Variants in IL31RA observed in about 807,000 individuals in gnomAD.
IL31RA encodes interleukin 31 receptor A.
In IL31RA, 66 loss-of-function variants were observed where a neutral mutation model predicts 83.7. The observed-to-expected ratio is 0.79, with a 90% CI of 0.65 to 0.97. The LOEUF (loss-of-function observed/expected upper bound fraction) is 0.97. Among genes scored for constraint, IL31RA ranks in the 50% least tolerant of loss-of-function variants. IL31RA has a pLI of 0.00. For synonymous variants in IL31RA, 325 were observed against 329.0 expected, an observed-to-expected ratio of 0.99 and a Z score of 0.13; for missense variants, 798 against 919.4, an observed-to-expected ratio of 0.87 and a Z score of 1.71.
chr5:55,885,957 G>A (rs557571533), intron 5 of IL31RA, among the ~76,000 whole-genome samples: 1 of 152,270 alleles, frequency 6.6e-6, no homozygotes, highest in South Asian at 2.1e-4. Flanking sequence ...ATTTGGCTGA[G>A]TGCAGAGTTA....
chr5:55,840,074 G>T, the IL31RA span: 36 of 361,132 alleles, frequency 1.0e-4, no homozygotes, highest in East Asian at 1.5e-3. Flanking sequence ...CCTGACTTCG[G>T]CAGGGCTAAA....
At position 55,918,992 on chromosome 5, in the gene IL31RA, C is replaced by G. The variant is rs1208833267; in HGVS notation, c.*1872C>G. Among the ~76,000 whole-genome samples, 4 of 152,154 alleles carry G rather than the reference C, an allele frequency of 2.6e-5. No homozygotes were observed. The stretch of plus-strand genomic sequence containing the variant: ...AAAAGAGATGCGTCCAATTCTCATG[C>G]CGCCCCTGATGTCTGCTCTCCCTGC... On this transcript the variant is annotated 3_prime_UTR_variant, in exon 15 of 15. Transcript: ENST00000652347.
chr5:55,853,543 G>T (rs1260748965), intron 1 of IL31RA: 2 of 1,551,068 alleles, frequency 1.3e-6, no homozygotes, highest in African/African-American at 2.7e-5. Context: ...CAGAACATCT[G>T]TGGAACATCC....
At chr5:55,915,232 C>G (rs1242830192) in intron 14 of IL31RA, among the ~76,000 whole-genome samples, 2 of 152,172 alleles carry the variant, frequency 1.3e-5, no homozygotes, top group Admixed American at 6.5e-5. Flanking sequence ...CCCTTCCTGA[C>G]CTGATGGGCT....
At chr5:55,889,518 T>A (rs946243177) in intron 5 of IL31RA, among the ~76,000 whole-genome samples, 9 of 152,216 alleles carry the variant, frequency 5.9e-5, no homozygotes, top group Non-Finnish European at 1.3e-4. Context: ...TAAATGGTTA[T>A]TTAACTTTCC....
chr5:55,870,368 G>A (rs1335396092), intron 3 of IL31RA, among the ~76,000 whole-genome samples: 11 of 152,164 alleles, frequency 7.2e-5, no homozygotes, highest in South Asian at 4.1e-4. Context: ...ACAGGCTGTC[G>A]TTTGCTTATC....
chr5:55,868,730 G>A, intron 2 of IL31RA, 61 bp from the exon 3 acceptor site: 1 of 964,334 alleles, frequency 1.0e-6, no homozygotes, highest in Non-Finnish European at 1.7e-6. Context: ...TTCAATGCTG[G>A]CAATATTTAT....
At position 55,874,781 on chromosome 5, in the gene IL31RA, C is replaced by T. The variant is rs116259203; in HGVS notation, c.454+2330C>T. Among the ~76,000 whole-genome samples the T allele has an allele frequency of 3.4e-3, 517 of 152,092 alleles. 3 individuals are homozygous for T. Among genetic ancestry groups the T allele is most frequent in the Admixed American group, 6.4e-3 (98 of 15,270 alleles). ...TTCTAATAGGTTTTTTAGGTGGATT[C>T]CTTAGGATTGTCTGTATACAAGGTC... On this transcript the variant is annotated intron_variant, in intron 4 of 14. Transcript: ENST00000652347.
chr5:55,852,953 C>T (rs757050047), intron 1 of IL31RA, among the ~76,000 whole-genome samples: 12 of 152,176 alleles, frequency 7.9e-5, no homozygotes, highest in Non-Finnish European at 1.8e-4. Context: ...AGTACTATGC[C>T]TGACACACAG....
intron 6 of IL31RA, among the ~76,000 whole-genome samples, chr5:55,890,433 G>T (rs1747914608): frequency 6.6e-6 from 1 of 152,192 alleles, no homozygotes; most frequent in Non-Finnish European, 1.5e-5. Flanking sequence ...GCAGTGATGT[G>T]ATCTCGGCTC....
Position 55,910,540 on chromosome 5 carries a change from G to A in IL31RA, c.1510G>A (p.Val504Ile), listed in dbSNP as rs1045409578. The part of the protein sequence containing the change: ...AEGGKGFSKT[V>I]NSSILQYGLE... ...TTGTATTTTTCCTTTAGCCAAGACA[G>A]TCAATTCCAGCATCTTGCAGTACGG... The change falls in exon 12 of 15, where the codon GTC (valine) becomes ATC (isoleucine). Residue 504 changes from valine to isoleucine, a missense_variant. Coordinates refer to ENST00000652347, the MANE Select transcript of IL31RA (RefSeq NM_139017.7). 2 of 1,614,044 alleles carry A rather than the reference G, an allele frequency of 1.2e-6. No individual in the cohort carries two copies. Among genetic ancestry groups the A allele is most frequent in the Non-Finnish European group, 1.7e-6 (2 of 1,180,040 alleles).
At position 55,855,334 on chromosome 5, in the gene IL31RA, T is replaced by TA. The variant is rs1307164063; in HGVS notation, c.63+3701_63+3702insA. On this transcript the variant is annotated intron_variant, in intron 1 of 14. Coordinates refer to ENST00000652347, the MANE Select transcript of IL31RA (RefSeq NM_139017.7). ...AATTTAAAATATATATATATATATA[T>TA]TTTTAGAGACAGAGTCTTGCTATGT... Among the ~76,000 whole-genome samples, 45 of 148,968 alleles carry TA rather than the reference T, an allele frequency of 3.0e-4. 1 individual carries two copies. Among genetic ancestry groups the TA allele is most frequent in the Middle Eastern group, 6.8e-3 (2 of 292 alleles).
chr5:55,891,761 ATTTTTTTT>A (rs35672011), intron 6 of IL31RA, among the ~76,000 whole-genome samples: 11 of 60,024 alleles, frequency 1.8e-4, no homozygotes, highest in South Asian at 8.9e-4. Flanking sequence ...TTTGGACAAG[ATTTTTTTT>A]TTTTTTTTTT....
At chr5:55,898,212 TAGC>T (rs1210382774) in intron 7 of IL31RA, among the ~76,000 whole-genome samples, 1 of 152,124 alleles carries the variant, frequency 6.6e-6, no homozygotes, top group Non-Finnish European at 1.5e-5. Flanking sequence ...CTTAGCTACA[TAGC>T]AGTGGCGAAG....
At position 55,896,430 on chromosome 5, in the gene IL31RA, G is replaced by T; in HGVS notation, c.852+1G>T. On this transcript the variant is annotated splice_donor_variant, in intron 7 of 14. Coordinates refer to ENST00000652347, the MANE Select transcript of IL31RA (RefSeq NM_139017.7). LOFTEE classifies it high-confidence loss of function. ...AAGGCCAGTGCGGTTGTTATGGAAG[G>T]TGACCTCCCTCTGGATTCTTTTTCT... 1 of 1,606,044 alleles carries T rather than the reference G, an allele frequency of 6.2e-7. No homozygotes were observed. Among genetic ancestry groups the T allele is most frequent in the Non-Finnish European group, 8.5e-7 (1 of 1,172,894 alleles).
intron 1 of IL31RA, among the ~76,000 whole-genome samples, chr5:55,858,309 G>T (rs916004430): frequency 5.3e-5 from 8 of 152,276 alleles, no homozygotes; most frequent in Admixed American, 6.5e-5. Context: ...ATGTGAGCTA[G>T]GACTAAAGGC....
upstream of IL31RA, among the ~76,000 whole-genome samples, chr5:55,847,176 G>C (rs1261540238): frequency 6.7e-6 from 1 of 148,516 alleles, no homozygotes; most frequent in Non-Finnish European, 1.5e-5. Flanking sequence ...CCGGGAGGTG[G>C]AGGTTGTGGT....
chr5:55,885,724 T>G (rs1747556328), intron 5 of IL31RA, among the ~76,000 whole-genome samples: 1 of 152,192 alleles, frequency 6.6e-6, no homozygotes, highest in South Asian at 2.1e-4. Flanking sequence ...GAGATGATAA[T>G]GGCCACTTCT....
At chr5:55,840,005 A>G in the IL31RA span, 1 of 522,154 alleles carries the variant, frequency 1.9e-6, no homozygotes, top group Non-Finnish European at 3.6e-6. Context: ...ACCCCTCGCC[A>G]CCTTTGGTGC....
Sources: allele counts gnomAD v4.1 joint callset (sites outside exome capture counted in the v4.1 genomes callset), GRCh38; gene constraint gnomAD v4.1.1; transcripts MANE v1.5; gene names NCBI Gene and HGNC (gene_info 2026-07-23, HGNC 2026-07-21).